PRTFDC1: variants seen among roughly 807,000 people sequenced by gnomAD.
PRTFDC1 encodes phosphoribosyl transferase domain containing 1, also known as phosphoribosyltransferase domain-containing protein 1.
A neutral mutation model predicts 34.6 loss-of-function variants in PRTFDC1; 38 were observed. That is an observed-to-expected ratio of 1.10 (90% CI 0.85 to 1.44). The LOEUF is 1.44. Among genes scored for constraint, PRTFDC1 ranks in the 40% most tolerant of loss-of-function variants. PRTFDC1 has a pLI of 0.00. For missense variants in PRTFDC1, 270 were observed against 283.0 expected (o/e 0.95, Z 0.33); for synonymous variants, 93 against 98.1 (o/e 0.95, Z 0.31).
Position 24,929,052 on chromosome 10 carries a change from A to AAAAGAAAG in PRTFDC1, c.339+8124_339+8131dup, listed in dbSNP as rs1554765606. Among the ~76,000 whole-genome samples the AAAAGAAAG allele has an allele frequency of 2.1e-3, 250 of 116,528 alleles. 6 individuals carry two copies. Among genetic ancestry groups the AAAAGAAAG allele is most frequent in the South Asian group, 0.017 (59 of 3,430 alleles). 76.4% of individuals were successfully genotyped at this position (116,528 alleles called of 152,430 possible). A position where few individuals can be genotyped will look rare whatever the true frequency, so the allele number is the denominator to read the frequency against. ...GCAGACTCCGTCTCAAAAAAAAAAA[A>AAAAGAAAG]AAAGAAAGAAAGAAAGAAAGAAAGG... On this transcript the variant is annotated intron_variant, in intron 3 of 8. Coordinates refer to ENST00000320152, the MANE Select transcript of PRTFDC1 (RefSeq NM_020200.7).
chr10:24,870,765 T>C (rs553988369), intron 4 of PRTFDC1, among the ~76,000 whole-genome samples: 1 of 152,280 alleles, frequency 6.6e-6, no homozygotes, highest in South Asian at 2.1e-4. Context: ...ATAGATCTAC[T>C]ATGCTGTCTT....
At chr10:24,950,176 C>G (rs549171191) in intron 1 of PRTFDC1, among the ~76,000 whole-genome samples, 10 of 152,206 alleles carry the variant, frequency 6.6e-5, no homozygotes, top group African/African-American at 2.4e-4. Context: ...AACAATTTAC[C>G]TACTCTATCC....
chr10:24,903,343 T>C (rs2132556444), intron 3 of PRTFDC1, among the ~76,000 whole-genome samples: 1 of 152,330 alleles, frequency 6.6e-6, no homozygotes, highest in East Asian at 1.9e-4. Flanking sequence ...AAGCCAACGA[T>C]TGGTAATGTT....
intron 3 of PRTFDC1, among the ~76,000 whole-genome samples, chr10:24,917,862 T>A (rs1215581379): frequency 6.6e-6 from 1 of 152,184 alleles, no homozygotes; most frequent in Non-Finnish European, 1.5e-5. Flanking sequence ...CTACGAGTGG[T>A]CACATGCCCG....
At chr10:24,880,013 G>T (rs1005054333) in intron 3 of PRTFDC1, among the ~76,000 whole-genome samples, 1 of 152,074 alleles carries the variant, frequency 6.6e-6, no homozygotes, top group African/African-American at 2.4e-5. Context: ...CCTGGGTTCC[G>T]GCCACAGCTC....
At chr10:24,945,147 C>T (rs1225036822) in intron 1 of PRTFDC1, among the ~76,000 whole-genome samples, 1 of 152,158 alleles carries the variant, frequency 6.6e-6, no homozygotes, top group Non-Finnish European at 1.5e-5. Context: ...CCTGTTTTAC[C>T]ACTGGATGAT....
At chr10:24,933,618 A>C (rs1849002320) in intron 3 of PRTFDC1, among the ~76,000 whole-genome samples, 1 of 152,170 alleles carries the variant, frequency 6.6e-6, no homozygotes, top group Non-Finnish European at 1.5e-5. Context: ...TATTGAAAAC[A>C]TGGAGTAACA....
chr10:24,901,710 C>CA (rs1848452885), intron 3 of PRTFDC1, among the ~76,000 whole-genome samples: 1 of 152,104 alleles, frequency 6.6e-6, no homozygotes, highest in Admixed American at 6.6e-5. Flanking sequence ...TCCTGGGTGA[C>CA]AAAGAAAGAC....
rs1847430010 is a variant in PRTFDC1 at position 24,848,657 on chromosome 10, G to T, written c.*1187C>A. The T allele has an allele frequency of 6.6e-6, 1 of 152,112 alleles. No individual in the cohort carries two copies. The highest frequency in any genetic ancestry group is 2.4e-5 in the African/African-American group (1 of 41,430). 9.4% of individuals were successfully genotyped at this position (152,112 alleles called of 1,614,324 possible). On this transcript the variant is annotated 3_prime_UTR_variant, in exon 9 of 9. Coordinates refer to ENST00000320152, the MANE Select transcript of PRTFDC1 (RefSeq NM_020200.7). The stretch of plus-strand genomic sequence containing the variant: ...CTTATTCTTTATTAGTTTAAAGGAA[G>T]CTAGAACCTAATAACAATACGCCAC...
chr10:24,906,664 T>G (rs1298714265), intron 3 of PRTFDC1, among the ~76,000 whole-genome samples: 1 of 152,328 alleles, frequency 6.6e-6, no homozygotes, highest in East Asian at 1.9e-4. Context: ...AGGGACCAGT[T>G]AACTGGAACG....
chr10:24,872,140 C>G, intron 3 of PRTFDC1, 77 bp from the exon 4 acceptor site: 2 of 1,258,040 alleles, frequency 1.6e-6, no homozygotes, highest in Non-Finnish European at 2.3e-6. Flanking sequence ...CCTGTCTACC[C>G]AGTTAGTGGC....
chr10:24,895,628 A>C (rs1199474823), intron 3 of PRTFDC1, among the ~76,000 whole-genome samples: 1 of 146,464 alleles, frequency 6.8e-6, no homozygotes, highest in Admixed American at 6.9e-5. Flanking sequence ...GGGAAAAGGA[A>C]CAGCACTGGA....
intron 3 of PRTFDC1, among the ~76,000 whole-genome samples, chr10:24,911,617 C>T (rs532227840): frequency 4.6e-5 from 7 of 152,290 alleles, no homozygotes; most frequent in Non-Finnish European, 1.0e-4. Flanking sequence ...CCTGTAATCC[C>T]AGCACTTTGG....
At chr10:24,908,609 C>T (rs1237462721) in intron 3 of PRTFDC1, 4 of 1,612,588 alleles carry the variant, frequency 2.5e-6, no homozygotes, top group Non-Finnish European at 3.4e-6. Flanking sequence ...CAGGGGAGCA[C>T]AGCTACTCAT....
At chr10:24,934,481 C>T (rs1344249623) in intron 3 of PRTFDC1, among the ~76,000 whole-genome samples, 2 of 152,156 alleles carry the variant, frequency 1.3e-5, no homozygotes, top group African/African-American at 4.8e-5. Context: ...GAATAGACCC[C>T]TTAGGTCTGA....
intron 7 of PRTFDC1, among the ~76,000 whole-genome samples, chr10:24,852,359 G>T (rs911807626): frequency 2.0e-5 from 3 of 152,054 alleles, no homozygotes; most frequent in Non-Finnish European, 4.4e-5. Flanking sequence ...CACCATGTTG[G>T]CCAGGCCAGT....
At chr10:24,942,185 TC>T (rs1849170097) in intron 2 of PRTFDC1, 144 bp downstream of exon 2, 5 of 614,110 alleles carry the variant, frequency 8.1e-6, no homozygotes, top group Non-Finnish European at 1.2e-5. Context: ...TTCATTTTAT[TC>T]CAAATTCACT....
intron 3 of PRTFDC1, among the ~76,000 whole-genome samples, chr10:24,881,021 C>T (rs1382064061): frequency 2.4e-5 from 3 of 123,938 alleles, no homozygotes; most frequent in Non-Finnish European, 4.9e-5. Flanking sequence ...CTCTTTCTTT[C>T]TCTCTCTCTA....
At chr10:24,904,373 C>G (rs1175721869) in intron 3 of PRTFDC1, among the ~76,000 whole-genome samples, 1 of 152,120 alleles carries the variant, frequency 6.6e-6, no homozygotes, top group Non-Finnish European at 1.5e-5. Flanking sequence ...TTGTGAGGAG[C>G]AGGTCACATT....
Sources: allele counts gnomAD v4.1 joint callset (sites outside exome capture counted in the v4.1 genomes callset), GRCh38; gene constraint gnomAD v4.1.1; transcripts MANE v1.5; gene names NCBI Gene and HGNC (gene_info 2026-07-23, HGNC 2026-07-21).